The following SPIDR variants were observed in gnomAD, a reference collection of about 807,000 sequenced individuals.
SPIDR encodes DNA repair-scaffolding protein.
In SPIDR, 93 loss-of-function variants were observed where a neutral mutation model predicts 104.6. The ratio of observed to expected loss-of-function variants is 0.89; its 90% CI spans 0.75 to 1.06. The LOEUF (loss-of-function observed/expected upper bound fraction) is 1.06. SPIDR is among the 50% of genes least tolerant of loss of function. SPIDR has a pLI of 0.00. For synonymous variants in SPIDR, 431 were observed against 416.9 expected (o/e 1.03, Z -0.41); for missense variants, 1,154 against 1,111.2 (o/e 1.04, Z -0.55).
chr8:47,698,115 A>G (rs534087375), intron 11 of SPIDR, among the ~76,000 whole-genome samples: 2 of 152,354 alleles, frequency 1.3e-5, no homozygotes, highest in African/African-American at 4.8e-5. Flanking sequence ...ATTAATCTGT[A>G]TGTCCCTTTT....
rs141563681 is a variant in SPIDR at position 47,364,412 on chromosome 8, C to G, written c.526-31964C>G. Among the ~76,000 whole-genome samples the G allele has an allele frequency of 2.8e-3, 434 of 152,296 alleles. 10 individuals are homozygous for G. In the South Asian group the frequency reaches 0.069, roughly 24 times the overall value. ...TGGCCTAATTTGGGTCAAAAGTAATCAAAAGAACCCTGGCTCTTGTTCCAA... is the reference window on the plus strand; with the variant it reads ...TGGCCTAATTTGGGTCAAAAGTAATGAAAAGAACCCTGGCTCTTGTTCCAA... On this transcript the variant is annotated intron_variant, in intron 5 of 19. Transcript: ENST00000297423.
intron 8 of SPIDR, among the ~76,000 whole-genome samples, chr8:47,454,060 A>G (rs1351490252): frequency 2.6e-5 from 4 of 152,202 alleles, no homozygotes; most frequent in Non-Finnish European, 4.4e-5. Context: ...ATTGTGGAAG[A>G]CAGTGCAGCA....
chr8:47,489,330 C>T (rs1420570717), intron 8 of SPIDR, among the ~76,000 whole-genome samples: 8 of 152,140 alleles, frequency 5.3e-5, no homozygotes, highest in African/African-American at 1.9e-4. Context: ...GAACTACAAA[C>T]CACTGCTCAA....
At chr8:47,553,471 C>T (rs541716318) in intron 8 of SPIDR, among the ~76,000 whole-genome samples, 19 of 152,222 alleles carry the variant, frequency 1.2e-4, no homozygotes, top group African/African-American at 4.3e-4. Context: ...CTAAACTTCT[C>T]TTCTTGCTTC....
intron 8 of SPIDR, among the ~76,000 whole-genome samples, chr8:47,450,268 G>A (rs1026948293): frequency 3.3e-5 from 5 of 152,136 alleles, no homozygotes; most frequent in African/African-American, 1.2e-4. Flanking sequence ...TCTTCCCATG[G>A]CAGAAGGTGA....
chr8:47,483,438 C>T (rs967307070), intron 8 of SPIDR, among the ~76,000 whole-genome samples: 2 of 152,138 alleles, frequency 1.3e-5, no homozygotes, highest in African/African-American at 2.4e-5. Context: ...CTAATAAGCC[C>T]TGAAGAGATA....
chr8:47,687,909 A>G (rs1165900030), intron 11 of SPIDR, among the ~76,000 whole-genome samples: 1 of 152,038 alleles, frequency 6.6e-6, no homozygotes, highest in Non-Finnish European at 1.5e-5. Context: ...CAAAAAGTAA[A>G]AAATTAGCCG....
intron 10 of SPIDR, chr8:47,654,016 T>G: frequency 7.8e-7 from 1 of 1,287,462 alleles, no homozygotes; most frequent in Non-Finnish European, 1.0e-6. Context: ...ACTATCAGAT[T>G]CCATGAGGGG....
chr8:47,573,517 GCAA>G (rs1266211159), intron 8 of SPIDR, among the ~76,000 whole-genome samples: 1 of 152,188 alleles, frequency 6.6e-6, no homozygotes, highest in African/African-American at 2.4e-5. Flanking sequence ...TTTGTAGGGG[GCAA>G]CATGATGTCG....
intron 5 of SPIDR, among the ~76,000 whole-genome samples, chr8:47,364,271 G>T (rs1791320944): frequency 6.6e-6 from 1 of 152,174 alleles, no homozygotes; most frequent in Non-Finnish European, 1.5e-5. Flanking sequence ...GCAAGCCAGG[G>T]TTACTATGAG....
chr8:47,402,323 A>G (rs2062020141), intron 6 of SPIDR, among the ~76,000 whole-genome samples: 2 of 152,192 alleles, frequency 1.3e-5, no homozygotes, highest in Non-Finnish European at 2.9e-5. Flanking sequence ...ACACATTCAA[A>G]AGCTAGCAGA....
chr8:47,306,123 T>G (rs1361054625), intron 5 of SPIDR, among the ~76,000 whole-genome samples: 1 of 152,180 alleles, frequency 6.6e-6, no homozygotes, highest in African/African-American at 2.4e-5. Context: ...TCCTTAAGGT[T>G]AATCCATGTT....
At position 47,712,772 on chromosome 8, in the gene SPIDR, C is replaced by A. The variant is rs972948299; in HGVS notation, c.2088C>A (p.Val696=). Residue 696 remains valine (V), a synonymous_variant, in exon 15 of 20, where the codon GTC becomes GTA. Coordinates refer to ENST00000297423, the MANE Select transcript of SPIDR (RefSeq NM_001080394.4). ...CCAGGCTCCCCAAAACCCTGCTGGT[C>A]TATGTGGCCCCCTTGTGTGTGCTGG... The part of the protein sequence containing the change: ...RDPRLPKTLL[V]YVAPLCVLGS... The A allele has an allele frequency of 6.2e-7, 1 of 1,614,148 alleles. No homozygotes were observed. Among genetic ancestry groups the A allele is most frequent in the Non-Finnish European group, 8.5e-7 (1 of 1,180,014 alleles).
chr8:47,380,944 G>A (rs1329990233), intron 5 of SPIDR, among the ~76,000 whole-genome samples: 1 of 152,134 alleles, frequency 6.6e-6, no homozygotes, highest in East Asian at 1.9e-4. Flanking sequence ...CTATTGTCTG[G>A]AATTGGTGTT....
chr8:47,538,924 G>A (rs1435479644), intron 8 of SPIDR, among the ~76,000 whole-genome samples: 27 of 139,468 alleles, frequency 1.9e-4, no homozygotes, highest in African/African-American at 6.7e-4. Flanking sequence ...TCAGTGGCAC[G>A]ATCTCGGCTC....
At chr8:47,285,516 A>G (rs1435422576) in intron 3 of SPIDR, among the ~76,000 whole-genome samples, 1 of 152,162 alleles carries the variant, frequency 6.6e-6, no homozygotes, top group African/African-American at 2.4e-5. Flanking sequence ...TGTAGTATAG[A>G]ATTTTTATCT....
intron 5 of SPIDR, among the ~76,000 whole-genome samples, chr8:47,364,364 C>T (rs1033745710): frequency 2.6e-5 from 4 of 152,190 alleles, no homozygotes; most frequent in Admixed American, 2.6e-4. Flanking sequence ...TGAAGTTCAC[C>T]TGGAGAGTTA....
Position 47,457,995 on chromosome 8 carries a change from G to A in SPIDR, c.1097+17453G>A, listed in dbSNP as rs1012635383. Among the ~76,000 whole-genome samples the A allele has an allele frequency of 3.3e-5, 5 of 152,108 alleles. No individual in the cohort carries two copies. The East Asian group carries it at 5.8e-4, about 18-fold the overall frequency. ...GCACCATGCTGTTTTGGTGGCTATGGCCTTATAGTCTAGTTTGAAATCAGG... is the reference window on the plus strand; with the variant it reads ...GCACCATGCTGTTTTGGTGGCTATGACCTTATAGTCTAGTTTGAAATCAGG... On this transcript the variant is annotated intron_variant, in intron 8 of 19. Coordinates refer to ENST00000297423, the MANE Select transcript of SPIDR (RefSeq NM_001080394.4).
chr8:47,673,227 C>T (rs1041185532), intron 10 of SPIDR, among the ~76,000 whole-genome samples: 1 of 152,240 alleles, frequency 6.6e-6, no homozygotes, highest in Non-Finnish European at 1.5e-5. Flanking sequence ...GGAATCCCAT[C>T]ATGTCGCTGG....
Sources: allele counts gnomAD v4.1 joint callset (sites outside exome capture counted in the v4.1 genomes callset), GRCh38; gene constraint gnomAD v4.1.1; transcripts MANE v1.5; gene names NCBI Gene and HGNC (gene_info 2026-07-23, HGNC 2026-07-21).